The following TRDN variants were observed in gnomAD, a reference collection of about 807,000 sequenced individuals.
The protein encoded by TRDN is triadin in skeletal muscle.
TRDN carries 161 observed loss-of-function variants against 149.7 expected under a neutral mutation model. The ratio of observed to expected loss-of-function variants is 1.08; its 90% confidence interval spans 0.95 to 1.23. TRDN has a LOEUF of 1.23. Ranked by LOEUF, TRDN falls within the 50% of genes most tolerant of loss-of-function variation. TRDN has a pLI of 0.00. For synonymous variants in TRDN, 294 were observed against 250.5 expected (o/e 1.17, Z -1.64); for missense variants, 896 against 823.5 (o/e 1.09, Z -1.08).
At chr6:123,493,369 C>T (rs1233957635) in intron 9 of TRDN, among the ~76,000 whole-genome samples, 1 of 152,024 alleles carries the variant, frequency 6.6e-6, no homozygotes, top group East Asian at 1.9e-4. Flanking sequence ...CCATTCACAA[C>T]AGAAAATCAG....
At chr6:123,514,279 C>G (rs1228915985) in intron 6 of TRDN, among the ~76,000 whole-genome samples, 1 of 151,976 alleles carries the variant, frequency 6.6e-6, no homozygotes, top group South Asian at 2.1e-4. Context: ...CTCTTGAACC[C>G]CAGAGGCAGA....
At chr6:123,414,618 C>T (rs566976926) in intron 12 of TRDN, among the ~76,000 whole-genome samples, 317 of 152,146 alleles carry the variant, frequency 2.1e-3, no homozygotes, top group Admixed American at 3.5e-3. Flanking sequence ...CAATCAAGAA[C>T]TTGGAAGCAG....
intron 1 of TRDN, among the ~76,000 whole-genome samples, chr6:123,622,632 G>A (rs1237203056): frequency 6.6e-6 from 1 of 152,048 alleles, no homozygotes; most frequent in Non-Finnish European, 1.5e-5. Flanking sequence ...ACTGAACTGA[G>A]GAGACGGCTG....
At chr6:123,461,859 T>C (rs1347971989) in intron 10 of TRDN, among the ~76,000 whole-genome samples, 1 of 152,154 alleles carries the variant, frequency 6.6e-6, no homozygotes, top group Non-Finnish European at 1.5e-5. Flanking sequence ...AGGAAAAACC[T>C]CACATAAGTC....
intron 12 of TRDN, among the ~76,000 whole-genome samples, chr6:123,433,604 C>T (rs957067631): frequency 3.3e-5 from 5 of 151,528 alleles, no homozygotes; most frequent in African/African-American, 1.2e-4. Flanking sequence ...TTTTAATATC[C>T]TTCTTGTAAT....
intron 12 of TRDN, among the ~76,000 whole-genome samples, chr6:123,429,879 C>T (rs1020949294): frequency 1.3e-5 from 2 of 152,118 alleles, no homozygotes; most frequent in Non-Finnish European, 2.9e-5. Flanking sequence ...CTTGATATAT[C>T]AATGCGTACA....
chr6:123,534,130 A>G (rs1358554141), intron 4 of TRDN, among the ~76,000 whole-genome samples: 1 of 152,108 alleles, frequency 6.6e-6, no homozygotes, highest in Non-Finnish European at 1.5e-5. Flanking sequence ...ACACACAGTA[A>G]AGTCTCTAGA....
chr6:123,430,160 C>T (rs530598696), intron 12 of TRDN, among the ~76,000 whole-genome samples: 17 of 151,962 alleles, frequency 1.1e-4, no homozygotes, highest in Non-Finnish European at 2.1e-4. Flanking sequence ...GTCCCAGCTA[C>T]ACAGGAGGCT....
At chr6:123,552,647 C>A (rs1430780113) in intron 2 of TRDN, among the ~76,000 whole-genome samples, 1 of 152,074 alleles carries the variant, frequency 6.6e-6, no homozygotes, top group African/African-American at 2.4e-5. Context: ...ATATTTTCTT[C>A]ATCATATATT....
intron 38 of TRDN, among the ~76,000 whole-genome samples, chr6:123,226,110 AT>A (rs1265690686): frequency 6.6e-6 from 1 of 151,786 alleles, no homozygotes; most frequent in Non-Finnish European, 1.5e-5. Context: ...ACTATATATT[AT>A]TAAACTTTTG....
intron 1 of TRDN, among the ~76,000 whole-genome samples, chr6:123,585,144 T>TC (rs905806777): frequency 1.6e-5 from 2 of 126,706 alleles, no homozygotes; most frequent in Non-Finnish European, 3.6e-5. Context: ...TGGGTTAAGG[T>TC]GGGGGAATAC....
At chr6:123,572,230 G>A (rs1478669157) in intron 1 of TRDN, among the ~76,000 whole-genome samples, 1 of 151,954 alleles carries the variant, frequency 6.6e-6, no homozygotes, top group African/African-American at 2.4e-5. Flanking sequence ...TTTTCTTGTG[G>A]ATTTTTCCTC....
chr6:123,247,018 T>C (rs918949743), intron 38 of TRDN, among the ~76,000 whole-genome samples: 1 of 152,178 alleles, frequency 6.6e-6, no homozygotes, highest in Non-Finnish European at 1.5e-5. Context: ...ATTATCTCAA[T>C]AGATGCGGAA....
At chr6:123,469,019 A>T (rs1347598929) in intron 9 of TRDN, 1 of 152,182 alleles carries the variant, frequency 6.6e-6, no homozygotes, top group African/African-American at 2.4e-5. Flanking sequence ...CCCTGTGTCA[A>T]TTTGTTCTTT....
At chr6:123,370,353 ATAAAT>A (rs1397397634) in intron 19 of TRDN, among the ~76,000 whole-genome samples, 1 of 152,206 alleles carries the variant, frequency 6.6e-6, no homozygotes, top group East Asian at 1.9e-4. Flanking sequence ...TTAGTGTTAT[ATAAAT>A]TAAACTGTAT....
At chr6:123,630,139 C>A (rs956394670) in intron 1 of TRDN, among the ~76,000 whole-genome samples, 3 of 143,986 alleles carry the variant, frequency 2.1e-5, no homozygotes, top group Admixed American at 6.6e-5. Flanking sequence ...TGCATAGTTG[C>A]CAGATGAAGA....
At chr6:123,255,835 G>A in intron 36 of TRDN, 32 bp downstream of exon 36, 1 of 1,300,248 alleles carries the variant, frequency 7.7e-7, no homozygotes. Context: ...TCAGGGCTTT[G>A]CATTCTATTT....
chr6:123,619,227 T>C (rs972460622), intron 1 of TRDN, among the ~76,000 whole-genome samples: 1 of 152,192 alleles, frequency 6.6e-6, no homozygotes, highest in Non-Finnish European at 1.5e-5. Context: ...TGTAATCATT[T>C]ATTTTGCCCA....
intron 1 of TRDN, among the ~76,000 whole-genome samples, chr6:123,575,009 C>T (rs1169112520): frequency 6.6e-6 from 1 of 150,882 alleles, no homozygotes; most frequent in African/African-American, 2.4e-5. Context: ...AATATGAATT[C>T]TAAATTTGTA....
Sources: gnomAD v4.1 joint callset for allele counts (sites outside exome capture counted in the v4.1 genomes callset) on GRCh38, gnomAD v4.1.1 for gene constraint, MANE v1.5 for transcripts, NCBI Gene and HGNC (gene_info 2026-07-23, HGNC 2026-07-21) for gene names.